Variants in TCF7L2 observed in about 807,000 individuals in gnomAD.
The protein encoded by TCF7L2 is transcription factor 7-like 2.
Under a neutral mutation model 77.9 loss-of-function variants are expected in TCF7L2, and 23 were observed. The observed-to-expected ratio is 0.30, with a 90% CI of 0.21 to 0.42. The LOEUF is 0.42. Among genes scored for constraint, TCF7L2 ranks in the 10% least tolerant of loss-of-function variants. The pLI is 1.00. For missense variants in TCF7L2, 654 were observed against 793.1 expected (o/e 0.82, Z 2.11); for synonymous variants, 413 against 340.2 (o/e 1.21, Z -2.36).
At chr10:113,059,923 A>G (rs953379348) in intron 5 of TCF7L2, among the ~76,000 whole-genome samples, 1 of 152,160 alleles carries the variant, frequency 6.6e-6, no homozygotes, top group Non-Finnish European at 1.5e-5. Flanking sequence ...GTGTGTGTGA[A>G]GGAACAGCAG....
chr10:112,966,178 ATATATT>A (rs1207126596), intron 4 of TCF7L2, among the ~76,000 whole-genome samples: 2 of 30,796 alleles, frequency 6.5e-5, no homozygotes, highest in African/African-American at 2.1e-4. Flanking sequence ...TCTGTCTAAA[ATATATT>A]TATATATATA....
chr10:112,981,475 T>G (rs1196386032), intron 4 of TCF7L2, among the ~76,000 whole-genome samples: 4 of 152,154 alleles, frequency 2.6e-5, no homozygotes, highest in African/African-American at 9.7e-5. Context: ...ATCAAGTTAG[T>G]TTTTGCTGAT....
At chr10:113,001,112 C>G (rs547782117) in intron 4 of TCF7L2, among the ~76,000 whole-genome samples, 47 of 152,288 alleles carry the variant, frequency 3.1e-4, no homozygotes, top group African/African-American at 1.1e-3. Context: ...CCTCGCCCTG[C>G]CCTTGGCTGG....
Position 113,165,993 on chromosome 10 carries a change from C to T in TCF7L2, c.*21C>T, listed in dbSNP as rs1405025213. ...AATAGCTTTAGCGTCGTGAACCCCG[C>T]TGCTTTGTTTATGGTTTTGTTTCAC... is the stretch of plus-strand genomic sequence containing the variant. On this transcript the variant is annotated 3_prime_UTR_variant, in exon 14 of 14. Transcript: ENST00000627217. 6.8e-7 allele frequency: 1 copy of T among 1,467,764 alleles called. No homozygotes were observed. The highest frequency in any genetic ancestry group is 9.0e-7 in the Non-Finnish European group (1 of 1,106,860). 90.9% of individuals were successfully genotyped at this position (1,467,764 alleles called of 1,614,324 possible).
rs146366773 is a variant in TCF7L2 at position 113,066,138 on chromosome 10, G to A, written c.552+26012G>A. Among the ~76,000 whole-genome samples, 691 of 152,232 alleles carry A rather than the reference G, an allele frequency of 4.5e-3. 6 individuals carry two copies. Among genetic ancestry groups the A allele is most frequent in the African/African-American group, 0.016 (655 of 41,538 alleles). On this transcript the variant is annotated intron_variant, in intron 5 of 13. Transcript: ENST00000627217. Reference sequence around the variant, plus strand: ...AGCACTTTGGGAGGCCGAGGAGGGCGGATCACTTGAGATCAGGAGTACGAG... The same window carrying A: ...AGCACTTTGGGAGGCCGAGGAGGGCAGATCACTTGAGATCAGGAGTACGAG...
Position 112,964,588 on chromosome 10 carries a change from T to C in TCF7L2, c.414T>C (p.Ser138=), listed in dbSNP as rs756406550. The C allele has an allele frequency of 1.1e-5, 17 of 1,613,572 alleles. No homozygotes were observed. In the Admixed American group the frequency reaches 2.0e-4, roughly 19 times the overall value. ...TTCAGTCCGGCAGCACACATTACTC[T>C]GCGTACAAAACGATTGAACACCAGA... Residue 138 remains serine (S), a synonymous_variant, in exon 4 of 14, where the codon TCT becomes TCC. Coordinates refer to ENST00000627217, the MANE Select transcript of TCF7L2 (RefSeq NM_001146274.2).
chr10:113,126,213 C>T (rs2065577419), intron 5 of TCF7L2: 1 of 151,236 alleles, frequency 6.6e-6, no homozygotes, highest in Admixed American at 6.6e-5. Flanking sequence ...TTTTGTATCC[C>T]CCCACCTCCA....
intron 4 of TCF7L2, among the ~76,000 whole-genome samples, chr10:112,994,754 A>G (rs1051879748): frequency 3.3e-5 from 5 of 152,074 alleles, no homozygotes; most frequent in Non-Finnish European, 2.9e-5. Flanking sequence ...CAGGAGGATC[A>G]CTTGAGCCCA....
intron 4 of TCF7L2, among the ~76,000 whole-genome samples, chr10:113,008,682 T>G (rs1412726288): frequency 6.6e-6 from 1 of 152,210 alleles, no homozygotes; most frequent in Non-Finnish European, 1.5e-5. Context: ...TTAATACACA[T>G]TAGTATAATC....
chr10:113,099,525 C>T (rs758497115), intron 5 of TCF7L2, among the ~76,000 whole-genome samples: 10 of 152,134 alleles, frequency 6.6e-5, no homozygotes, highest in African/African-American at 1.4e-4. Flanking sequence ...CCAGAGCTGC[C>T]GTCTTCCTGG....
At chr10:113,070,658 T>A (rs901718707) in intron 5 of TCF7L2, among the ~76,000 whole-genome samples, 1 of 152,192 alleles carries the variant, frequency 6.6e-6, no homozygotes, top group Non-Finnish European at 1.5e-5. Context: ...ATTAATAGCT[T>A]ACCTAAATAT....
chr10:112,991,361 C>G (rs2042496515), intron 4 of TCF7L2, among the ~76,000 whole-genome samples: 1 of 151,858 alleles, frequency 6.6e-6, no homozygotes, highest in Non-Finnish European at 1.5e-5. Context: ...AACCCCGTCT[C>G]TATGTGCGTG....
chr10:113,061,832 C>T (rs73360216), intron 5 of TCF7L2, among the ~76,000 whole-genome samples: 4,659 of 152,270 alleles, frequency 0.031, 231 homozygotes, highest in African/African-American at 0.1. Flanking sequence ...AAGTTGGCAA[C>T]GCCTGCCCTC....
At chr10:113,120,013 T>G (rs2064513011) in intron 5 of TCF7L2, among the ~76,000 whole-genome samples, 1 of 152,190 alleles carries the variant, frequency 6.6e-6, no homozygotes, top group Admixed American at 6.5e-5. Flanking sequence ...CCATTTGAAA[T>G]GCTAACACAA....
intron 5 of TCF7L2, among the ~76,000 whole-genome samples, chr10:113,136,436 G>A (rs2067409628): frequency 6.6e-6 from 1 of 152,210 alleles, no homozygotes; most frequent in Non-Finnish European, 1.5e-5. Flanking sequence ...AGTGTTTGCT[G>A]TTTTTGTGGC....
At chr10:113,097,497 A>G (rs545538102) in intron 5 of TCF7L2, among the ~76,000 whole-genome samples, 11 of 151,684 alleles carry the variant, frequency 7.3e-5, no homozygotes, top group African/African-American at 2.4e-4. Flanking sequence ...TACTGAAAAT[A>G]CAAAAATTAG....
At chr10:113,112,951 T>C (rs2063315329) in intron 5 of TCF7L2, among the ~76,000 whole-genome samples, 1 of 152,224 alleles carries the variant, frequency 6.6e-6, no homozygotes, top group Non-Finnish European at 1.5e-5. Flanking sequence ...CTATTTGTCA[T>C]TGCGGTTTAT....
At chr10:113,123,210 G>A (rs138670028) in intron 5 of TCF7L2, among the ~76,000 whole-genome samples, 9 of 152,164 alleles carry the variant, frequency 5.9e-5, no homozygotes, top group Admixed American at 1.3e-4. Flanking sequence ...GTGCTGATGC[G>A]GTCGTGCTGG....
At chr10:113,126,220 T>G (rs2065578530) in intron 5 of TCF7L2, 1 of 151,486 alleles carries the variant, frequency 6.6e-6, no homozygotes. Flanking sequence ...TCCCCCCACC[T>G]CCAAAAAAAA....
Sources: allele counts gnomAD v4.1 joint callset (sites outside exome capture counted in the v4.1 genomes callset), GRCh38; gene constraint gnomAD v4.1.1; transcripts MANE v1.5; gene names NCBI Gene and HGNC (gene_info 2026-07-23, HGNC 2026-07-21).